Variants in SEMA3E observed in about 807,000 individuals in gnomAD.
SEMA3E encodes the protein semaphorin 3E.
In SEMA3E, 49 loss-of-function variants were observed where a neutral mutation model predicts 93.6. The observed-to-expected ratio is 0.52, with a 90% confidence interval of 0.42 to 0.66. The LOEUF is 0.66. Among genes scored for constraint, SEMA3E ranks in the 30% least tolerant of loss-of-function variants. The pLI, the probability that SEMA3E is intolerant of heterozygous loss-of-function variation, is 0.00. For synonymous variants in SEMA3E, 363 were observed against 330.7 expected (o/e 1.10, Z -1.06); for missense variants, 906 against 964.8 (o/e 0.94, Z 0.81).
chr7:83,641,484 C>A lies in SEMA3E; in HGVS notation c.115+6944G>T, dbSNP rs1413824433. 3 of 580,852 alleles carry A rather than the reference C, an allele frequency of 5.2e-6. No homozygotes were observed. In the East Asian group the frequency reaches 4.3e-4, roughly 83 times the overall value. The allele number at this position is 580,852 out of a possible 1,614,324, so 36.0% of individuals were successfully genotyped here. On this transcript the variant is annotated intron_variant, in intron 1 of 16. Transcript: ENST00000643230. ...GTAATATTAGTTCTATTGTGCGTTA[C>A]AAAGCTGGGCCTACAATTACCTTTG...
At chr7:83,388,322 TA>T (rs10714005) in intron 14 of SEMA3E, among the ~76,000 whole-genome samples, 100,780 of 146,102 alleles carry the variant, frequency 0.69, 38,823 homozygotes, top group South Asian at 0.89. Flanking sequence ...AATAAAAAAA[TA>T]AAAAAAAATA....
intron 16 of SEMA3E, among the ~76,000 whole-genome samples, chr7:83,385,034 C>G (rs1787850490): frequency 6.6e-6 from 1 of 151,016 alleles, no homozygotes. Flanking sequence ...TTCTTACTTC[C>G]AAGATCCAAA....
chr7:83,632,735 C>A (rs891815393), intron 1 of SEMA3E, among the ~76,000 whole-genome samples: 7 of 152,132 alleles, frequency 4.6e-5, no homozygotes, highest in Non-Finnish European at 1.0e-4. Flanking sequence ...TGACTTATGT[C>A]CTTCCTGCTG....
intron 1 of SEMA3E, among the ~76,000 whole-genome samples, chr7:83,620,802 C>T (rs42013): frequency 0.62 from 94,003 of 151,968 alleles, 29,591 homozygotes; most frequent in African/African-American, 0.73. Context: ...CATCTCTTCA[C>T]GTTAAAAATT....
At chr7:83,574,199 A>C (rs553444990) in intron 1 of SEMA3E, among the ~76,000 whole-genome samples, 1 of 152,316 alleles carries the variant, frequency 6.6e-6, no homozygotes, top group Non-Finnish European at 1.5e-5. Context: ...TTCTGTCTGA[A>C]GGACATCTCA....
rs56867715 is a variant in SEMA3E at position 83,363,860 on chromosome 7, A to ATTTTTTTTTTT, written c.*3715_*3725dup. The ATTTTTTTTTTT allele has an allele frequency of 1.3e-5, 1 of 76,922 alleles. No homozygotes were observed. Among genetic ancestry groups the ATTTTTTTTTTT allele is most frequent in the African/African-American group, 5.0e-5 (1 of 20,066 alleles). 4.8% of individuals were successfully genotyped at this position (76,922 alleles called of 1,614,324 possible). ...GGCTACAGGTGTCACAGGTCAATTC[A>ATTTTTTTTTTT]TTTTTTTTTTTTTTTTTTTTTTTTT... On this transcript the variant is annotated 3_prime_UTR_variant, in exon 17 of 17. Coordinates refer to ENST00000643230, the MANE Select transcript of SEMA3E (RefSeq NM_012431.3).
At chr7:83,620,905 A>G (rs933316395) in intron 1 of SEMA3E, among the ~76,000 whole-genome samples, 1 of 152,076 alleles carries the variant, frequency 6.6e-6, no homozygotes, top group Admixed American at 6.6e-5. Flanking sequence ...ATGGGCAAAA[A>G]CTGGAAACAT....
chr7:83,449,135 T>C (rs1297514405), intron 4 of SEMA3E, among the ~76,000 whole-genome samples: 1 of 151,918 alleles, frequency 6.6e-6, no homozygotes, highest in Non-Finnish European at 1.5e-5. Context: ...GTTCTGGCTC[T>C]GTCGCTCAGG....
At chr7:83,499,485 G>T in intron 1 of SEMA3E, among the ~76,000 whole-genome samples, 1 of 152,094 alleles carries the variant, frequency 6.6e-6, no homozygotes, top group East Asian at 1.9e-4. Flanking sequence ...ATATCTTAGG[G>T]TACTTTTGTG....
intron 1 of SEMA3E, among the ~76,000 whole-genome samples, chr7:83,572,412 G>A (rs751529365): frequency 2.0e-5 from 3 of 152,038 alleles, no homozygotes; most frequent in Non-Finnish European, 4.4e-5. Flanking sequence ...AGGCCAAGGC[G>A]GGTGGATCAG....
At chr7:83,405,795 G>A (rs546726335) in intron 8 of SEMA3E, 150 bp downstream of exon 8, 13 of 705,762 alleles carry the variant, frequency 1.8e-5, no homozygotes, top group African/African-American at 3.6e-5. Flanking sequence ...CCCAGCATGC[G>A]TGCCTGGCCA....
At chr7:83,396,181 T>G (rs1788116676) in intron 12 of SEMA3E, among the ~76,000 whole-genome samples, 1 of 152,108 alleles carries the variant, frequency 6.6e-6, no homozygotes, top group Admixed American at 6.6e-5. Context: ...TATGTAATTG[T>G]TTTTTCATGT....
At chr7:83,567,787 G>T (rs991686630) in intron 1 of SEMA3E, among the ~76,000 whole-genome samples, 2 of 151,824 alleles carry the variant, frequency 1.3e-5, no homozygotes, top group African/African-American at 4.8e-5. Flanking sequence ...AACAATAAAA[G>T]TCTACATCAA....
intron 16 of SEMA3E, among the ~76,000 whole-genome samples, chr7:83,383,350 A>C (rs1022346299): frequency 4.6e-5 from 7 of 151,788 alleles, no homozygotes; most frequent in Non-Finnish European, 1.0e-4. Context: ...TTTCACAAAA[A>C]AGAGACATAT....
intron 1 of SEMA3E, among the ~76,000 whole-genome samples, chr7:83,640,033 A>G (rs546715918): frequency 5.3e-5 from 8 of 152,298 alleles, no homozygotes; most frequent in African/African-American, 1.9e-4. Context: ...ATTTGACTTT[A>G]CTTCCACAGT....
At chr7:83,513,822 A>G (rs1265306886) in intron 1 of SEMA3E, among the ~76,000 whole-genome samples, 1 of 152,144 alleles carries the variant, frequency 6.6e-6, no homozygotes, top group East Asian at 1.9e-4. Context: ...GAGCTGGTAA[A>G]ATCTCTTCAA....
chr7:83,414,478 A>G (rs951432972), intron 5 of SEMA3E, among the ~76,000 whole-genome samples: 21 of 152,102 alleles, frequency 1.4e-4, no homozygotes, highest in Non-Finnish European at 2.9e-4. Context: ...ATATTCACAA[A>G]GGTATTATTA....
intron 1 of SEMA3E, among the ~76,000 whole-genome samples, chr7:83,589,672 A>G (rs186840458): frequency 1.3e-5 from 2 of 152,310 alleles, no homozygotes; most frequent in African/African-American, 4.8e-5. Flanking sequence ...ATATTATTTC[A>G]ATATGTAACT....
At chr7:83,566,458 T>C (rs1792158652) in intron 1 of SEMA3E, among the ~76,000 whole-genome samples, 1 of 152,196 alleles carries the variant, frequency 6.6e-6, no homozygotes, top group African/African-American at 2.4e-5. Context: ...GTAGTTCACA[T>C]ATTTTAACTC....
Sources: gnomAD v4.1 joint callset for allele counts (sites outside exome capture counted in the v4.1 genomes callset) on GRCh38, gnomAD v4.1.1 for gene constraint, MANE v1.5 for transcripts, NCBI Gene and HGNC (gene_info 2026-07-23, HGNC 2026-07-21) for gene names.